ANGPT2: variants seen among roughly 807,000 people sequenced by gnomAD.
ANGPT2 encodes the protein angiopoietin-2.
Under a neutral mutation model 62.9 loss-of-function variants are expected in ANGPT2, and 28 were observed. The observed-to-expected ratio is 0.44, with a 90% CI of 0.33 to 0.61. The LOEUF (loss-of-function observed/expected upper bound fraction) is 0.61, where lower values mean the gene tolerates loss of function less well. Ranked by LOEUF, ANGPT2 falls within the 20% of genes least tolerant of loss-of-function variation. The pLI, the probability that ANGPT2 is intolerant of heterozygous loss-of-function variation, is 0.03. For synonymous variants in ANGPT2, 284 were observed against 207.8 expected (o/e 1.37, Z -3.15); for missense variants, 727 against 594.9 (o/e 1.22, Z -2.31).
intron 3 of ANGPT2, among the ~76,000 whole-genome samples, chr8:6,524,395 A>G (rs114293532): frequency 6.6e-6 from 1 of 152,370 alleles, no homozygotes; most frequent in African/African-American, 2.4e-5. Flanking sequence ...GCAGAGAAAC[A>G]TTATTTTCCC....
chr8:6,513,859 G>T lies in ANGPT2; in HGVS notation c.1030-15C>A. On this transcript the variant is annotated splice_polypyrimidine_tract_variant and intron_variant, in intron 6 of 8. Transcript: ENST00000629816. Reference sequence around the variant, plus strand: ...TTACCAAATCCCTGTAATGCAAGTTGTTAAATTCAATTATTTCATGTAATT... The same window carrying T: ...TTACCAAATCCCTGTAATGCAAGTTTTTAAATTCAATTATTTCATGTAATT... 6.3e-7 allele frequency: 1 copy of T among 1,590,048 alleles called. No individual in the cohort carries two copies.
chr8:6,553,953 T>G (rs148706546), intron 1 of ANGPT2, among the ~76,000 whole-genome samples: 1 of 152,174 alleles, frequency 6.6e-6, no homozygotes, highest in Non-Finnish European at 1.5e-5. Flanking sequence ...AGAAATCTTC[T>G]GTGTGTAGCA....
rs779885640 is a variant in ANGPT2, at chr8:6,521,418, G to A, written c.567-8C>T. 10 of 1,591,200 alleles carry A rather than the reference G, an allele frequency of 6.3e-6. No individual in the cohort carries two copies. Among genetic ancestry groups the A allele is most frequent in the East Asian group, 2.2e-5 (1 of 44,674 alleles). On this transcript the variant is annotated splice_polypyrimidine_tract_variant and splice_region_variant and intron_variant, in intron 3 of 8. Coordinates refer to ENST00000629816, the MANE Select transcript of ANGPT2 (RefSeq NM_001118887.2). ...ACCTTCTTTTCTAGGAAACTTGTAA[G>A]GAAAAGAATTGTTAGTTAGTGAAGG...
At position 6,532,412 on chromosome 8, in the gene ANGPT2, C is replaced by T. The variant is rs780948892; in HGVS notation, c.364G>A (p.Ala122Thr). ...TTTGTCCCTATTTCTATCATCACAG[C>T]CGTCTGGTTCTGTACTGCATTCTGC... The part of the protein sequence containing the change: ...IQQNAVQNQT[A>T]VMIEIGTNLL... Residue 122 changes from alanine (A) to threonine (T), a missense_variant, in exon 2 of 9, where the codon GCT becomes ACT. Coordinates refer to ENST00000629816, the MANE Select transcript of ANGPT2 (RefSeq NM_001118887.2). The T allele has an allele frequency of 1.2e-5, 19 of 1,613,996 alleles. No homozygotes were observed. The highest frequency in any genetic ancestry group is 1.5e-5 in the Non-Finnish European group (18 of 1,180,028).
intron 3 of ANGPT2, among the ~76,000 whole-genome samples, chr8:6,525,697 A>G (rs1818201642): frequency 6.6e-6 from 1 of 152,196 alleles, no homozygotes; most frequent in Non-Finnish European, 1.5e-5. Flanking sequence ...AGCATGCAGA[A>G]CTCATACACC....
chr8:6,528,042 C>T (rs982524398), intron 2 of ANGPT2, among the ~76,000 whole-genome samples: 5 of 150,806 alleles, frequency 3.3e-5, no homozygotes, highest in South Asian at 4.3e-4. Flanking sequence ...ATTACAGGTG[C>T]GTACCACCAT....
At chr8:6,544,014 C>T (rs1376825897) in intron 1 of ANGPT2, among the ~76,000 whole-genome samples, 5 of 152,130 alleles carry the variant, frequency 3.3e-5, no homozygotes, top group Admixed American at 1.3e-4. Flanking sequence ...ATCTGATCAG[C>T]AGTAGAATGT....
At chr8:6,549,806 C>T (rs1025343751) in intron 1 of ANGPT2, among the ~76,000 whole-genome samples, 4 of 152,156 alleles carry the variant, frequency 2.6e-5, no homozygotes, top group Admixed American at 1.3e-4. Flanking sequence ...TGCACAGGTG[C>T]GCACAGATAC....
intron 1 of ANGPT2, among the ~76,000 whole-genome samples, chr8:6,553,990 T>C (rs1296280276): frequency 6.6e-6 from 1 of 151,900 alleles, no homozygotes; most frequent in Non-Finnish European, 1.5e-5. Flanking sequence ...GTTAGTGACA[T>C]AGAGAGACGA....
At chr8:6,504,249 C>T (rs962838977) in intron 8 of ANGPT2, among the ~76,000 whole-genome samples, 26 of 131,856 alleles carry the variant, frequency 2.0e-4, no homozygotes, top group Admixed American at 3.7e-4. Flanking sequence ...ACCCGGGAGG[C>T]GGAGCTTGCA....
At chr8:6,546,484 C>T (rs191871027) in intron 1 of ANGPT2, among the ~76,000 whole-genome samples, 1 of 152,158 alleles carries the variant, frequency 6.6e-6, no homozygotes, top group East Asian at 1.9e-4. Context: ...GCCTAACTGG[C>T]AAATATATTC....
chr8:6,518,688 G>A (rs555009449), intron 5 of ANGPT2, among the ~76,000 whole-genome samples: 6 of 152,196 alleles, frequency 3.9e-5, no homozygotes, highest in African/African-American at 1.2e-4. Context: ...CAAGAGCCTC[G>A]AAAATTTCCA....
At chr8:6,520,402 C>T (rs1045803128) in intron 4 of ANGPT2, among the ~76,000 whole-genome samples, 2 of 152,118 alleles carry the variant, frequency 1.3e-5, no homozygotes, top group Non-Finnish European at 2.9e-5. Flanking sequence ...ATCATGACCC[C>T]ATTGCCTGCC....
At position 6,521,388 on chromosome 8, in the gene ANGPT2, C is replaced by T. The variant is rs781209200; in HGVS notation, c.589G>A (p.Ala197Thr). The T allele has an allele frequency of 6.2e-7, 1 of 1,611,022 alleles. No homozygotes were observed. The highest frequency in any genetic ancestry group is 1.7e-5 in the Admixed American group (1 of 59,658). Residue 197 changes from alanine to threonine, a missense_variant, in exon 4 of 9, where the codon GCT (alanine) becomes ACT (threonine). Physicochemically the swap from Ala to Thr is moderately conservative, Grantham distance 58 (BLOSUM62 0). Coordinates refer to ENST00000629816, the MANE Select transcript of ANGPT2 (RefSeq NM_001118887.2). ...KNSFLEKKVL[A>T]MEDKHIIQLQ... ...TGGATGATGTGCTTGTCTTCCATAG[C>T]TAGCACCTTCTTTTCTAGGAAACTT...
intron 1 of ANGPT2, among the ~76,000 whole-genome samples, chr8:6,549,217 A>G (rs1048516690): frequency 6.6e-6 from 1 of 152,258 alleles, no homozygotes; most frequent in African/African-American, 2.4e-5. Flanking sequence ...CACAAATGTC[A>G]ATCTACAGCA....
intron 1 of ANGPT2, among the ~76,000 whole-genome samples, chr8:6,548,148 C>G (rs1244547015): frequency 1.3e-5 from 2 of 152,136 alleles, no homozygotes; most frequent in Non-Finnish European, 2.9e-5. Flanking sequence ...GTAGTTGGTT[C>G]CACTGGAATC....
At chr8:6,561,994 G>C (rs1049291158) in intron 1 of ANGPT2, among the ~76,000 whole-genome samples, 3 of 152,116 alleles carry the variant, frequency 2.0e-5, no homozygotes, top group Non-Finnish European at 4.4e-5. Context: ...AACTGACGGG[G>C]GCTGCAGTGC....
chr8:6,533,569 C>CTTTTTTTTTTTTT (rs56882906), intron 1 of ANGPT2, among the ~76,000 whole-genome samples: 1 of 113,338 alleles, frequency 8.8e-6, no homozygotes, highest in African/African-American at 3.3e-5. Context: ...CGTTTAGTTT[C>CTTTTTTTTTTTTT]TTTTTTTTTT....
At chr8:6,543,165 T>G (rs1821916934) in intron 1 of ANGPT2, among the ~76,000 whole-genome samples, 1 of 152,080 alleles carries the variant, frequency 6.6e-6, no homozygotes, top group Non-Finnish European at 1.5e-5. Context: ...CCCAAAAAGT[T>G]GAAAGAATTC....
Sources: allele counts gnomAD v4.1 joint callset (sites outside exome capture counted in the v4.1 genomes callset), GRCh38; gene constraint gnomAD v4.1.1; transcripts MANE v1.5; gene names NCBI Gene and HGNC (gene_info 2026-07-23, HGNC 2026-07-21).